The following OTUD7A variants were observed in gnomAD, a reference collection of about 807,000 sequenced individuals.
The protein encoded by OTUD7A is OTU deubiquitinase 7A, also known as OTU domain-containing protein 7A.
OTUD7A carries 12 observed loss-of-function variants against 65.7 expected under a neutral mutation model. The observed-to-expected ratio is 0.18, with a 90% confidence interval of 0.12 to 0.30. The LOEUF (loss-of-function observed/expected upper bound fraction) is 0.30. Ranked by LOEUF, OTUD7A falls within the 10% of genes least tolerant of loss-of-function variation. OTUD7A has a pLI of 1.00. For synonymous variants in OTUD7A, 641 were observed against 586.3 expected (o/e 1.09, Z -1.35); for missense variants, 1,148 against 1,304.8 (o/e 0.88, Z 1.85).
intron 1 of OTUD7A, among the ~76,000 whole-genome samples, chr15:31,750,045 G>C (rs1484836458): frequency 6.6e-6 from 1 of 152,172 alleles, no homozygotes; most frequent in African/African-American, 2.4e-5. Context: ...CAAAAACGCT[G>C]ATAAAAGAAA....
chr15:31,605,619 T>C (rs746240402), intron 3 of OTUD7A, among the ~76,000 whole-genome samples: 1 of 152,230 alleles, frequency 6.6e-6, no homozygotes, highest in African/African-American at 2.4e-5. Flanking sequence ...CACTTTCCAA[T>C]GTAGCCTGCA....
Position 31,484,291 on chromosome 15 carries a change from G to A in OTUD7A, c.1805C>T (p.Ala602Val), listed in dbSNP as rs1257715562. 1 of 1,595,462 alleles carries A rather than the reference G, an allele frequency of 6.3e-7. No homozygotes were observed. The highest frequency in any genetic ancestry group is 8.5e-7 in the Non-Finnish European group (1 of 1,175,516). Residue 602 changes from alanine to valine, a missense_variant, in exon 13 of 13, where the codon GCA (alanine) becomes GTA (valine). Physicochemically the swap from Ala to Val is moderately conservative, Grantham distance 64. Around this residue, in one of 6 missense-constraint regions of OTUD7A, gnomAD observed 842 missense variants for 769.5 expected, o/e 1.09. Coordinates refer to ENST00000307050, the MANE Select transcript of OTUD7A (RefSeq NM_001382637.1). The surrounding 1 kb of genome is among the most constrained non-coding windows in gnomAD (Gnocchi z 4.5). ...EKTTPSPTDK[A>V]AGASPAEKGG... is the part of the protein sequence containing the mutation. ...CTTCTCCGCCGGCGACGCGCCCGCT[G>A]CCTTGTCTGTGGGCGACGGCGTGGT...
chr15:31,858,285 T>C (rs896918053), intron 1 of OTUD7A, among the ~76,000 whole-genome samples: 1 of 152,126 alleles, frequency 6.6e-6, no homozygotes, highest in Non-Finnish European at 1.5e-5. Context: ...AGAGTAGTCA[T>C]AGTCAAGATG....
At chr15:31,779,888 G>A (rs1159325382) in intron 1 of OTUD7A, among the ~76,000 whole-genome samples, 2 of 152,212 alleles carry the variant, frequency 1.3e-5, no homozygotes, top group African/African-American at 4.8e-5. Flanking sequence ...GGTTCTTGCC[G>A]ACCTCAACCT....
chr15:31,534,361 T>TA (rs1196649543), intron 5 of OTUD7A, among the ~76,000 whole-genome samples: 1 of 152,152 alleles, frequency 6.6e-6, no homozygotes, highest in African/African-American at 2.4e-5. Context: ...TCAATACTCA[T>TA]AATTAAAAAT....
At chr15:31,485,364 G>C (rs1238659991) in intron 12 of OTUD7A, among the ~76,000 whole-genome samples, 4 of 152,224 alleles carry the variant, frequency 2.6e-5, no homozygotes. Flanking sequence ...ATCGCTTCAG[G>C]AGTTCCTTTC....
chr15:31,523,806 G>GC lies in OTUD7A; in HGVS notation c.893+2542dup, dbSNP rs2041971234. Among the ~76,000 whole-genome samples the GC allele has an allele frequency of 2.0e-5, 3 of 152,220 alleles. No individual in the cohort carries two copies. The South Asian group carries it at 6.2e-4, about 32-fold the overall frequency. On this transcript the variant is annotated intron_variant, in intron 8 of 12. Coordinates refer to ENST00000307050, the MANE Select transcript of OTUD7A (RefSeq NM_001382637.1). ...TGGGGAGAGAAGACACAGGCAAAAG[G>GC]CAGAGCAACTGTGCTTGTGCACAAA...
chr15:31,750,372 C>T (rs1286408241), intron 1 of OTUD7A, among the ~76,000 whole-genome samples: 2 of 126,638 alleles, frequency 1.6e-5, no homozygotes, highest in African/African-American at 6.1e-5. Context: ...CATGCCACTG[C>T]TTTCTAGCCC....
At chr15:31,490,226 TG>T (rs1286203686) in intron 10 of OTUD7A, among the ~76,000 whole-genome samples, 11 of 152,258 alleles carry the variant, frequency 7.2e-5, no homozygotes, top group African/African-American at 2.2e-4. Context: ...GCTTGCCCTC[TG>T]GTGGTAAATG....
intron 5 of OTUD7A, among the ~76,000 whole-genome samples, chr15:31,542,205 T>G (rs1888007315): frequency 6.6e-6 from 1 of 151,950 alleles, no homozygotes; most frequent in Non-Finnish European, 1.5e-5. Flanking sequence ...GTAAGAGTCA[T>G]ACACACAAAA....
chr15:31,661,540 T>A (rs1445487578), intron 1 of OTUD7A, among the ~76,000 whole-genome samples: 3 of 152,258 alleles, frequency 2.0e-5, no homozygotes. Flanking sequence ...AATGTACCCA[T>A]GCCTCAGGCA....
Position 31,595,384 on chromosome 15 carries a change from T to G in OTUD7A, c.152-25187A>C, listed in dbSNP as rs537335776. Among the ~76,000 whole-genome samples, 3 of 152,376 alleles carry G rather than the reference T, an allele frequency of 2.0e-5. No homozygotes were observed. In the East Asian group the frequency reaches 5.8e-4, roughly 29 times the overall value. ...TTACCTCCAGTTCCACACACGTTGC[T>G]GCAAATGACAGGGTTTTATTCTCTT... is the stretch of plus-strand genomic sequence containing the variant. On this transcript the variant is annotated intron_variant, in intron 3 of 12. Transcript: ENST00000307050.
rs2042074311 is a variant in OTUD7A at position 31,530,700 on chromosome 15, A to C, written c.652+7T>G. 6.2e-7 allele frequency: 1 copy of C among 1,613,162 alleles called. No homozygotes were observed. Among genetic ancestry groups the C allele is most frequent in the African/African-American group, 1.3e-5 (1 of 74,856 alleles). ...TGGCCACCCTCTGTCTGTGCTGTGGAGCTTACCCAGTGAAGCAGCATGTAA... is the reference window on the plus strand; with the variant it reads ...TGGCCACCCTCTGTCTGTGCTGTGGCGCTTACCCAGTGAAGCAGCATGTAA... On this transcript the variant is annotated splice_region_variant and intron_variant, in intron 6 of 12. Coordinates refer to ENST00000307050, the MANE Select transcript of OTUD7A (RefSeq NM_001382637.1).
intron 1 of OTUD7A, among the ~76,000 whole-genome samples, chr15:31,757,494 A>G (rs1894848713): frequency 6.6e-6 from 1 of 152,008 alleles, no homozygotes; most frequent in African/African-American, 2.4e-5. Context: ...GACAACTGCA[A>G]TATTATTTCC....
At position 31,476,666 on chromosome 15, in the gene OTUD7A, GGA is replaced by G. The variant is rs1479125577; in HGVS notation, c.*6626_*6627del. On this transcript the variant is annotated 3_prime_UTR_variant, in exon 13 of 13. Coordinates refer to ENST00000307050, the MANE Select transcript of OTUD7A (RefSeq NM_001382637.1). ...ACAGCTGCAGAGAGGGCATCACGATGGAGACCTTATGCCCCCTCCCACGAGGG... is the reference window on the plus strand; with the variant it reads ...ACAGCTGCAGAGAGGGCATCACGATGGACCTTATGCCCCCTCCCACGAGGG... The G allele has an allele frequency of 1.3e-5, 2 of 152,278 alleles. No homozygotes were observed. The highest frequency in any genetic ancestry group is 4.8e-5 in the African/African-American group (2 of 41,460). The allele number at this position is 152,278 out of a possible 1,614,324, so 9.4% of individuals were successfully genotyped here. A position where few individuals can be genotyped will look rare whatever the true frequency, so the allele number is the denominator to read the frequency against.
At chr15:31,749,016 T>C (rs920521635) in intron 1 of OTUD7A, among the ~76,000 whole-genome samples, 6 of 151,904 alleles carry the variant, frequency 3.9e-5, no homozygotes, top group African/African-American at 1.5e-4. Context: ...GAAACCATCA[T>C]TCTCCGCAAA....
intron 5 of OTUD7A, among the ~76,000 whole-genome samples, chr15:31,547,265 G>C (rs1034730103): frequency 6.6e-6 from 1 of 152,086 alleles, no homozygotes; most frequent in Non-Finnish European, 1.5e-5. Context: ...ATATTTAAGG[G>C]GTACCTTAGA....
chr15:31,732,915 C>G (rs1237217463), intron 1 of OTUD7A, among the ~76,000 whole-genome samples: 1 of 152,140 alleles, frequency 6.6e-6, no homozygotes, highest in Non-Finnish European at 1.5e-5. Flanking sequence ...GCTAGGGTTG[C>G]AAAAAATCTT....
rs550844645 is a variant in OTUD7A at position 31,700,040 on chromosome 15, A to G, written c.-99-42963T>C. 1.4e-3 allele frequency among the ~76,000 whole-genome samples: 216 copies of G among 150,718 alleles called. 1 individual carries two copies. Among genetic ancestry groups the G allele is most frequent in the African/African-American group, 5.1e-3 (210 of 41,122 alleles). ...ATTCCATCCCTACCACCTGACTGAA[A>G]CCACAGCCACAGAAGTCACCCCCTG... On this transcript the variant is annotated intron_variant, in intron 1 of 12. Transcript: ENST00000307050.
Sources: gnomAD v4.1 joint callset for allele counts (sites outside exome capture counted in the v4.1 genomes callset) on GRCh38, gnomAD v4.1.1 for gene constraint, gnomAD v4.1.1 regional missense constraint, Gnocchi (gnomAD v3.1) non-coding constraint, MANE v1.5 for transcripts, NCBI Gene and HGNC (gene_info 2026-07-23, HGNC 2026-07-21) for gene names.